JARID2: variants seen among roughly 807,000 people sequenced by gnomAD.
The protein encoded by JARID2 is protein Jumonji.
In JARID2, 21 loss-of-function variants were observed where a neutral mutation model predicts 125.6. That is an observed-to-expected ratio of 0.17 (90% CI 0.12 to 0.24). The LOEUF (loss-of-function observed/expected upper bound fraction) is 0.24, where lower values mean the gene tolerates loss of function less well. Ranked by LOEUF, JARID2 falls within the 10% of genes least tolerant of loss-of-function variation. The pLI is 1.00. For missense variants in JARID2, 1,303 were observed against 1,639.6 expected, an observed-to-expected ratio of 0.79 and a Z score of 3.55; for synonymous variants, 736 against 661.6, an observed-to-expected ratio of 1.11 and a Z score of -1.73.
At chr6:15,508,617 G>A (rs1309582981) in intron 12 of JARID2, among the ~76,000 whole-genome samples, 163 bp downstream of exon 12, 2 of 152,220 alleles carry the variant, frequency 1.3e-5, no homozygotes, top group African/African-American at 4.8e-5. Context: ...GCCTGGGCCT[G>A]GGATCACCTA....
intron 3 of JARID2, among the ~76,000 whole-genome samples, chr6:15,418,722 T>C (rs11964758): frequency 0.031 from 4,737 of 152,264 alleles, 253 homozygotes; most frequent in African/African-American, 0.11. Flanking sequence ...TCCTATTAGA[T>C]TGAATTTTGA....
chr6:15,452,268 T>C, intron 4 of JARID2, 93 bp downstream of exon 4: 2 of 1,496,036 alleles, frequency 1.3e-6, no homozygotes, highest in Admixed American at 4.6e-5. Flanking sequence ...CTCTCTGCCA[T>C]GTTCATTTTT....
At chr6:15,310,303 T>C (rs972648653) in intron 1 of JARID2, among the ~76,000 whole-genome samples, 1 of 152,226 alleles carries the variant, frequency 6.6e-6, no homozygotes, top group African/African-American at 2.4e-5. Context: ...CTTCCTGCCA[T>C]AGCCTCTTTG....
chr6:15,352,496 A>G (rs538182726), intron 1 of JARID2, among the ~76,000 whole-genome samples: 1 of 152,220 alleles, frequency 6.6e-6, no homozygotes, highest in Non-Finnish European at 1.5e-5. Context: ...AGTGAAGGGA[A>G]GGCTCCAAGC....
chr6:15,458,046 C>T lies in JARID2; in HGVS notation c.493+5871C>T, dbSNP rs543842326. 2.9e-3 allele frequency among the ~76,000 whole-genome samples: 438 copies of T among 152,260 alleles called. 3 individuals carry two copies. Among genetic ancestry groups the T allele is most frequent in the Middle Eastern group, 0.017 (5 of 294 alleles). ...AGCTGCTTTGAAGGGGTCCACATGT[C>T]TCTTGCCAGAGGCATAATTAGTATC... On this transcript the variant is annotated intron_variant, in intron 4 of 17. Coordinates refer to ENST00000341776, the MANE Select transcript of JARID2 (RefSeq NM_004973.4).
chr6:15,250,794 A>G (rs1411576065), intron 1 of JARID2, among the ~76,000 whole-genome samples: 1 of 152,140 alleles, frequency 6.6e-6, no homozygotes, highest in Non-Finnish European at 1.5e-5. Context: ...CTATTGACGC[A>G]CTTCCAAGTG....
At chr6:15,286,204 A>G (rs1760992807) in intron 1 of JARID2, among the ~76,000 whole-genome samples, 2 of 152,112 alleles carry the variant, frequency 1.3e-5, no homozygotes, top group South Asian at 2.1e-4. Context: ...TGAGACTTCA[A>G]TAATAGAATG....
intron 1 of JARID2, among the ~76,000 whole-genome samples, chr6:15,358,202 T>A (rs1029921682): frequency 6.6e-6 from 1 of 152,222 alleles, no homozygotes; most frequent in Non-Finnish European, 1.5e-5. Flanking sequence ...TTTGTTTGTG[T>A]AATATAACCT....
At chr6:15,398,745 G>C (rs148717108) in intron 2 of JARID2, among the ~76,000 whole-genome samples, 1 of 152,184 alleles carries the variant, frequency 6.6e-6, no homozygotes, top group African/African-American at 2.4e-5. Context: ...GGAAGCAGTG[G>C]AGATAGGAAA....
At chr6:15,369,959 T>G (rs1764105577) in intron 1 of JARID2, among the ~76,000 whole-genome samples, 1 of 152,066 alleles carries the variant, frequency 6.6e-6, no homozygotes, top group South Asian at 2.1e-4. Flanking sequence ...CTGCTGAGAA[T>G]CAGAGGTGTG....
At chr6:15,247,567 C>T (rs575107769) in intron 1 of JARID2, 3 of 980,960 alleles carry the variant, frequency 3.1e-6, no homozygotes, top group Admixed American at 6.2e-5. Flanking sequence ...AATGAACATA[C>T]CTTAGGAATA....
intron 1 of JARID2, among the ~76,000 whole-genome samples, chr6:15,289,186 C>G (rs1448573840): frequency 6.6e-6 from 1 of 151,916 alleles, no homozygotes; most frequent in African/African-American, 2.4e-5. Context: ...AGGGAAGCAT[C>G]GAGGGACACA....
In JARID2 at chr6:15,326,475, GCC is replaced by G. The variant is rs1762537813; in HGVS notation, c.46-47641_46-47640del. 2.6e-5 allele frequency among the ~76,000 whole-genome samples: 4 copies of G among 152,292 alleles called. No individual in the cohort carries two copies. The South Asian group carries it at 8.3e-4, about 32-fold the overall frequency. ...CAAAGTGCTGAGGTTACAGGAGTGAGCCACCACGCCTGGCCTGTCAGTATTAA... is the reference window on the plus strand; with the variant it reads ...CAAAGTGCTGAGGTTACAGGAGTGAGACCACGCCTGGCCTGTCAGTATTAA... On this transcript the variant is annotated intron_variant, in intron 1 of 17. Transcript: ENST00000341776.
intron 3 of JARID2, among the ~76,000 whole-genome samples, chr6:15,431,346 C>CAA (rs949807552): frequency 1.4e-4 from 21 of 152,168 alleles, no homozygotes; most frequent in African/African-American, 4.6e-4. Context: ...TGATGTTTTC[C>CAA]ATCAGCTGCG....
intron 2 of JARID2, among the ~76,000 whole-genome samples, chr6:15,382,175 A>C (rs1427252129): frequency 6.6e-6 from 1 of 152,210 alleles, no homozygotes; most frequent in East Asian, 1.9e-4. Flanking sequence ...AAGCAGGAGA[A>C]TTGCTGGAAC....
chr6:15,428,703 C>T (rs987553093), intron 3 of JARID2, among the ~76,000 whole-genome samples: 18 of 152,036 alleles, frequency 1.2e-4, no homozygotes, highest in Admixed American at 6.6e-4. Flanking sequence ...GTCAAGAGTT[C>T]GAGACCAGCC....
chr6:15,416,663 C>T (rs1244874192), intron 3 of JARID2, among the ~76,000 whole-genome samples: 3 of 137,548 alleles, frequency 2.2e-5, no homozygotes, highest in South Asian at 2.2e-4. Flanking sequence ...GGCTTGGCAT[C>T]AGTGGGAGAC....
intron 1 of JARID2, among the ~76,000 whole-genome samples, chr6:15,353,390 C>CT (rs1277642835): frequency 2.2e-4 from 34 of 152,138 alleles, no homozygotes; most frequent in African/African-American, 7.2e-4. Flanking sequence ...TCTGAGAGAG[C>CT]TTTGATTCAT....
intron 11 of JARID2, among the ~76,000 whole-genome samples, chr6:15,507,818 G>GGT (rs1771082769): frequency 1.3e-5 from 2 of 152,238 alleles, no homozygotes; most frequent in Non-Finnish European, 2.9e-5. Flanking sequence ...GGGTCATGGA[G>GGT]GTTGTGGTCA....
Sources: allele counts gnomAD v4.1 joint callset (sites outside exome capture counted in the v4.1 genomes callset), GRCh38; gene constraint gnomAD v4.1.1; transcripts MANE v1.5; gene names NCBI Gene and HGNC (gene_info 2026-07-23, HGNC 2026-07-21).